The following KIF1C variants were observed in gnomAD, a reference collection of about 807,000 sequenced individuals.
The protein encoded by KIF1C is kinesin-like protein KIF1C.
Under a neutral mutation model 126.5 loss-of-function variants are expected in KIF1C, and 61 were observed. That is an observed-to-expected ratio of 0.48 (90% CI 0.39 to 0.60). KIF1C has a LOEUF of 0.60. KIF1C is among the 20% of genes least tolerant of loss of function. The pLI, the probability that KIF1C is intolerant of heterozygous loss-of-function variation, is 0.00. For synonymous variants in KIF1C, 640 were observed against 580.6 expected, an observed-to-expected ratio of 1.10 and a Z score of -1.47; for missense variants, 1,315 against 1,489.2, an observed-to-expected ratio of 0.88 and a Z score of 1.93.
At chr17:5,016,018 C>T (rs945397310) in intron 18 of KIF1C, among the ~76,000 whole-genome samples, 6 of 152,022 alleles carry the variant, frequency 3.9e-5, no homozygotes, top group African/African-American at 7.2e-5. Flanking sequence ...GGAGGAAGGA[C>T]GTGGTACACA....
At chr17:5,014,881 C>T (rs1040007726) in intron 18 of KIF1C, 44 bp downstream of exon 18, 1 of 1,464,618 alleles carries the variant, frequency 6.8e-7, no homozygotes, top group East Asian at 2.4e-5. Context: ...GGAGAGAGGC[C>T]CCATGTTCCA....
rs1306748912 is a variant in KIF1C, at chr17:5,001,270, G to A, written c.232G>A (p.Gly78Arg). 5 of 1,614,136 alleles carry A rather than the reference G, an allele frequency of 3.1e-6. No homozygotes were observed. The highest frequency in any genetic ancestry group is 1.3e-5 in the African/African-American group (1 of 75,022). ...TCAGCAGCAAGTGTATCGGGACATTGGAGAAGAGATGCTGCTCCACGCCTT... is the reference window on the plus strand; with the variant it reads ...TCAGCAGCAAGTGTATCGGGACATTAGAGAAGAGATGCTGCTCCACGCCTT... ...ASQQQVYRDI[G>R]EEMLLHAFEG... The change falls in exon 5 of 23, where the codon GGA becomes AGA. Residue 78 changes from glycine to arginine, a missense_variant. Physicochemically the swap from Gly to Arg is moderately radical, Grantham distance 125 (BLOSUM62 -2). Around this residue, in one of 2 missense-constraint regions of KIF1C, gnomAD observed 874 missense variants for 1,053.2 expected, o/e 0.83. Coordinates refer to ENST00000320785, the MANE Select transcript of KIF1C (RefSeq NM_006612.6).
rs1220568059 is a variant in KIF1C, at chr17:5,027,960, A to G, written c.*3809A>G. The G allele has an allele frequency of 6.6e-6, 1 of 152,182 alleles. No individual in the cohort carries two copies. Among genetic ancestry groups the G allele is most frequent in the Non-Finnish European group, 1.5e-5 (1 of 68,050 alleles). 9.4% of individuals were successfully genotyped at this position (152,182 alleles called of 1,614,324 possible). A position where few individuals can be genotyped will look rare whatever the true frequency, so the allele number is the denominator to read the frequency against. ...AGGAGACCCTGTCTTAAAAATGTAT[A>G]TATAAAAATAAAAAGAACATCAGAC... On this transcript the variant is annotated 3_prime_UTR_variant, in exon 23 of 23. Coordinates refer to ENST00000320785, the MANE Select transcript of KIF1C (RefSeq NM_006612.6).
intron 1 of KIF1C, among the ~76,000 whole-genome samples, 198 bp downstream of exon 1, chr17:4,998,354 G>T (rs1974445637): frequency 6.6e-6 from 1 of 152,200 alleles, no homozygotes; most frequent in Non-Finnish European, 1.5e-5. Flanking sequence ...CCGCATGGCC[G>T]CCCTGAGAGG....
intron 17 of KIF1C, 59 bp downstream of exon 17, chr17:5,013,791 G>A (rs1474925114): frequency 2.2e-6 from 3 of 1,361,902 alleles, no homozygotes; most frequent in East Asian, 2.3e-5. Context: ...GGCTGCCAAG[G>A]GTTGTCCACA....
Position 5,022,031 on chromosome 17 carries a change from C to T in KIF1C, c.2011-61C>T. The T allele has an allele frequency of 1.3e-6, 2 of 1,523,596 alleles. No individual in the cohort carries two copies. Among genetic ancestry groups the T allele is most frequent in the South Asian group, 2.5e-5 (2 of 78,912 alleles). 94.4% of individuals were successfully genotyped at this position (1,523,596 alleles called of 1,614,324 possible). ...CCAGTGTACTTAGGACACACTGGGC[C>T]AAGACACATGGGCTCTGGATGTCCT... On this transcript the variant is annotated intron_variant, in intron 21 of 22. Coordinates refer to ENST00000320785, the MANE Select transcript of KIF1C (RefSeq NM_006612.6). The surrounding 1 kb of genome is among the most constrained non-coding windows in gnomAD (Gnocchi z 4.9).
At chr17:5,017,253 G>T (rs1974989917) in intron 18 of KIF1C, among the ~76,000 whole-genome samples, 1 of 152,054 alleles carries the variant, frequency 6.6e-6, no homozygotes, top group Admixed American at 6.5e-5. Context: ...TGTTGCCAAG[G>T]GTGGGGATTG....
chr17:5,015,657 G>A (rs1350859533), intron 18 of KIF1C, among the ~76,000 whole-genome samples: 2 of 146,470 alleles, frequency 1.4e-5, no homozygotes, highest in Admixed American at 1.4e-4. Flanking sequence ...GAGTGCAGTG[G>A]CATGATCTTG....
chr17:5,009,454 A>G (rs1040294056), intron 16 of KIF1C, among the ~76,000 whole-genome samples: 1 of 151,882 alleles, frequency 6.6e-6, no homozygotes, highest in Non-Finnish European at 1.5e-5. Flanking sequence ...CTGGGGTTAC[A>G]GGTGTGAGCC....
At position 5,028,159 on chromosome 17, in the gene KIF1C, A is replaced by G; in HGVS notation, c.*4008A>G. ...TGGAATCATGAGAAGTCACCCAAAC[A>G]ATCTCAGTTTTCTAGCTCACTCCGT... On this transcript the variant is annotated 3_prime_UTR_variant, in exon 23 of 23. Coordinates refer to ENST00000320785, the MANE Select transcript of KIF1C (RefSeq NM_006612.6). 6.6e-6 allele frequency: 1 copy of G among 152,004 alleles called. No individual in the cohort carries two copies. Among genetic ancestry groups the G allele is most frequent in the Non-Finnish European group, 1.5e-5 (1 of 67,998 alleles). 9.4% of individuals were successfully genotyped at this position (152,004 alleles called of 1,614,324 possible). A position where few individuals can be genotyped will look rare whatever the true frequency, so the allele number is the denominator to read the frequency against.
chr17:5,007,444 AT>A (rs1005176815), intron 15 of KIF1C, 22 bp from the exon 16 acceptor site: 5 of 1,607,638 alleles, frequency 3.1e-6, no homozygotes, highest in Non-Finnish European at 4.3e-6. Context: ...TAAGACTGAC[AT>A]TTGCCTCTCC....
In KIF1C at chr17:5,023,580, C is replaced by T. The variant is rs779132007; in HGVS notation, c.2741C>T (p.Pro914Leu). Residue 914 changes from proline (P) to leucine (L), a missense_variant, in exon 23 of 23, where the codon CCC (proline) becomes CTC (leucine). Physicochemically the swap from Pro to Leu is moderately conservative, Grantham distance 98. Coordinates refer to ENST00000320785, the MANE Select transcript of KIF1C (RefSeq NM_006612.6). This position sits in a 1 kb window ranked among gnomAD's most constrained non-coding sequence, Gnocchi z 4.2. ...GACCGCATGCCGTCAGCCCGGCCCC[C>T]CTCGCCACCACTGTCAAGCTGGGAG... ...PSDRMPSARP[P>L]SPPLSSWERV... 1.1e-5 allele frequency: 18 copies of T among 1,613,504 alleles called. No homozygotes were observed. The highest frequency in any genetic ancestry group is 1.5e-5 in the Non-Finnish European group (18 of 1,179,906).
At chr17:5,018,061 G>T (rs1416709282) in intron 18 of KIF1C, among the ~76,000 whole-genome samples, 2 of 152,070 alleles carry the variant, frequency 1.3e-5, no homozygotes, top group East Asian at 3.9e-4. Flanking sequence ...GTTCACTGTA[G>T]CCTCAACCTC....
At chr17:5,021,242 G>A (rs538799075) in intron 21 of KIF1C, among the ~76,000 whole-genome samples, 62 of 130,732 alleles carry the variant, frequency 4.7e-4, no homozygotes, top group Non-Finnish European at 5.4e-4. Flanking sequence ...GGATGATCTC[G>A]ACTTACTGTA....
At chr17:5,002,353 G>T in intron 6 of KIF1C, 111 bp from the exon 7 acceptor site, 1 of 1,119,486 alleles carries the variant, frequency 8.9e-7, no homozygotes, top group Non-Finnish European at 1.3e-6. Flanking sequence ...AGAATGCTTC[G>T]CACTGTGTAT....
rs1975240538 is a variant in KIF1C at position 5,028,175 on chromosome 17, C to T, written c.*4024C>T. Reference sequence around the variant, plus strand: ...CACCCAAACAATCTCAGTTTTCTAGCTCACTCCGTCTTGACATTTCTACAC... The same window carrying T: ...CACCCAAACAATCTCAGTTTTCTAGTTCACTCCGTCTTGACATTTCTACAC... On this transcript the variant is annotated 3_prime_UTR_variant, in exon 23 of 23. Transcript: ENST00000320785. 6.6e-6 allele frequency: 1 copy of T among 152,182 alleles called. No individual in the cohort carries two copies. Among genetic ancestry groups the T allele is most frequent in the African/African-American group, 2.4e-5 (1 of 41,444 alleles). 9.4% of individuals were successfully genotyped at this position (152,182 alleles called of 1,614,324 possible).
At chr17:5,007,766 A>G (rs1432054246) in intron 16 of KIF1C, among the ~76,000 whole-genome samples, 3 of 152,122 alleles carry the variant, frequency 2.0e-5, no homozygotes, top group Non-Finnish European at 4.4e-5. Flanking sequence ...GGAGAGGGAG[A>G]GGACCTGGGA....
At chr17:5,015,109 G>C (rs995581535) in intron 18 of KIF1C, among the ~76,000 whole-genome samples, 2 of 152,314 alleles carry the variant, frequency 1.3e-5, no homozygotes, top group Admixed American at 6.5e-5. Context: ...TAGTGAGCCA[G>C]AGTGTGGGAT....
In KIF1C at chr17:5,002,332, C is replaced by A. The variant is rs55675853; in HGVS notation, c.430-132C>A. ...CTGGCTTGTTGGGCAGGTCGCTGAG[C>A]TAGCATCTGCAGAATGCTTCGCACT... On this transcript the variant is annotated intron_variant, in intron 6 of 22. Coordinates refer to ENST00000320785, the MANE Select transcript of KIF1C (RefSeq NM_006612.6). The A allele has an allele frequency of 9.0e-6, 9 of 999,620 alleles. No individual in the cohort carries two copies. In the South Asian group the frequency reaches 1.0e-4, roughly 12 times the overall value. The allele number at this position is 999,620 out of a possible 1,614,324, so 61.9% of individuals were successfully genotyped here.
Sources: allele counts gnomAD v4.1 joint callset (sites outside exome capture counted in the v4.1 genomes callset), GRCh38; gene constraint gnomAD v4.1.1; regional missense constraint gnomAD v4.1.1; non-coding constraint Gnocchi (gnomAD v3.1); transcripts MANE v1.5; gene names NCBI Gene and HGNC (gene_info 2026-07-23, HGNC 2026-07-21).